The following UACA variants were observed in gnomAD, a reference collection of about 807,000 sequenced individuals.
The protein encoded by UACA is uveal autoantigen with coiled-coil domains and ankyrin repeats.
In UACA, 112 loss-of-function variants were observed where a neutral mutation model predicts 160.5. That is an observed-to-expected ratio of 0.70 (90% CI 0.60 to 0.82). UACA has a LOEUF of 0.82. Ranked by LOEUF, UACA falls within the 40% of genes least tolerant of loss-of-function variation. UACA has a pLI of 0.00. For missense variants in UACA, 1,574 were observed against 1,614.6 expected (o/e 0.97, Z 0.43); for synonymous variants, 557 against 568.4 (o/e 0.98, Z 0.29).
In UACA at chr15:70,664,774, G is replaced by A. The variant is rs1566961470; in HGVS notation, c.4001C>T (p.Ala1334Val). 6.8e-6 allele frequency: 11 copies of A among 1,613,202 alleles called. No homozygotes were observed. The highest frequency in any genetic ancestry group is 9.3e-6 in the Non-Finnish European group (11 of 1,179,718). ...GGTGAGTTGGGAAAGGCCATTGAGT[G>A]CCTGTTTTAATCTTTCCACATCATT... ...LLNDVERLKQ[A>V]LNGLSQLTYT... Residue 1334 changes from alanine (A) to valine (V), a missense_variant, in exon 17 of 19, where the codon GCA becomes GTA. Transcript: ENST00000322954.
At chr15:70,739,215 ATACTT>A (rs1192343505) in intron 1 of UACA, among the ~76,000 whole-genome samples, 1 of 152,226 alleles carries the variant, frequency 6.6e-6, no homozygotes, top group Non-Finnish European at 1.5e-5. Flanking sequence ...GATAAAAACT[ATACTT>A]TATAAATCCT....
Position 70,699,536 on chromosome 15 carries a change from C to A in UACA, c.203G>T (p.Gly68Val). 1 of 1,610,982 alleles carries A rather than the reference C, an allele frequency of 6.2e-7. No homozygotes were observed. The highest frequency in any genetic ancestry group is 8.5e-7 in the Non-Finnish European group (1 of 1,179,154). Residue 68 changes from glycine to valine, a missense_variant, in exon 2 of 19, where the codon GGC (glycine) becomes GTC (valine). Coordinates refer to ENST00000322954, the MANE Select transcript of UACA (RefSeq NM_018003.4). The stretch of plus-strand genomic sequence containing the variant: ...CATCAATAATACTTACACAGATCTG[C>A]CTTCCACATCTAGTTTGCCTGGATT... ...GVNPGKLDVE[G>V]RSVFHVVTSK...
intron 1 of UACA, among the ~76,000 whole-genome samples, chr15:70,743,613 T>G (rs1386374246): frequency 6.6e-6 from 1 of 152,276 alleles, no homozygotes; most frequent in East Asian, 1.9e-4. Flanking sequence ...ATTATGCAAA[T>G]TTCAAAGTTA....
At chr15:70,705,721 A>G (rs1416083617) in intron 1 of UACA, among the ~76,000 whole-genome samples, 1 of 152,128 alleles carries the variant, frequency 6.6e-6, no homozygotes, top group Admixed American at 6.6e-5. Context: ...GGCAAGATTA[A>G]AAAGACAGAA....
At chr15:70,758,156 ACC>A (rs903692965) in intron 1 of UACA, 55 of 152,346 alleles carry the variant, frequency 3.6e-4, no homozygotes, top group African/African-American at 1.3e-3. Flanking sequence ...CTCATTATGC[ACC>A]AAAAGACCCA....
At position 70,656,929 on chromosome 15, in the gene UACA, C is replaced by A; in HGVS notation, c.*127G>T. 1.7e-6 allele frequency: 1 copy of A among 585,728 alleles called. No individual in the cohort carries two copies. Among genetic ancestry groups the A allele is most frequent in the Non-Finnish European group, 2.8e-6 (1 of 353,728 alleles). The allele number at this position is 585,728 out of a possible 1,614,324, so 36.3% of individuals were successfully genotyped here. ...TCATCTAATTTTAAAAAAAAACCTA[C>A]CAATAGAACAAAATATATTTTATTT... On this transcript the variant is annotated 3_prime_UTR_variant, in exon 19 of 19. Coordinates refer to ENST00000322954, the MANE Select transcript of UACA (RefSeq NM_018003.4).
intron 10 of UACA, 46 bp from the exon 11 acceptor site, chr15:70,678,252 C>A (rs1897360334): frequency 6.9e-7 from 1 of 1,442,812 alleles, no homozygotes; most frequent in Non-Finnish European, 9.5e-7. Flanking sequence ...CTTAAAAGAG[C>A]AAATTCTTAA....
chr15:70,685,973 C>T (rs1238432577), intron 7 of UACA, among the ~76,000 whole-genome samples: 6 of 151,952 alleles, frequency 3.9e-5, no homozygotes, highest in Non-Finnish European at 5.9e-5. Context: ...TGTGGTTTCG[C>T]CATGTTGGCC....
At chr15:70,700,248 C>A (rs1898297974) in intron 1 of UACA, among the ~76,000 whole-genome samples, 1 of 142,370 alleles carries the variant, frequency 7.0e-6, no homozygotes, top group Non-Finnish European at 1.5e-5. Flanking sequence ...CCCCCCCCAA[C>A]ACAGACATTT....
At chr15:70,745,301 G>C (rs1349878123) in intron 1 of UACA, among the ~76,000 whole-genome samples, 1 of 152,102 alleles carries the variant, frequency 6.6e-6, no homozygotes, top group Non-Finnish European at 1.5e-5. Context: ...CGGGCGTGGT[G>C]GTGGGCACCT....
chr15:70,711,646 A>C (rs371684170), intron 1 of UACA, among the ~76,000 whole-genome samples: 87 of 152,342 alleles, frequency 5.7e-4, no homozygotes, highest in African/African-American at 1.9e-3. Context: ...GGGGAAAGAA[A>C]ATAGACATGA....
chr15:70,671,613 G>A (rs371541922), intron 14 of UACA: 91 of 170,900 alleles, frequency 5.3e-4, no homozygotes, highest in African/African-American at 1.9e-3. Flanking sequence ...CATTAAGACC[G>A]ATTTCTCCAA....
At chr15:70,724,315 T>G (rs920581623) in intron 1 of UACA, among the ~76,000 whole-genome samples, 1 of 152,190 alleles carries the variant, frequency 6.6e-6, no homozygotes, top group African/African-American at 2.4e-5. Flanking sequence ...TCAGGCTATC[T>G]AGTGTTCATA....
chr15:70,695,053 T>C lies in UACA; in HGVS notation c.265A>G (p.Ile89Val). ...GNLECLNAIL[I>V]HGVDITTSDT... ...CTGGTTGTAATATCAACTCCATGTA[T>C]AAGGATGGCATTCAAACACTCAAGA... Residue 89 changes from isoleucine (I) to valine (V), a missense_variant, in exon 3 of 19, where the codon ATA becomes GTA. By Grantham distance (29) the Ile-to-Val change is conservative. Transcript: ENST00000322954. 1 of 1,610,934 alleles carries C rather than the reference T, an allele frequency of 6.2e-7. No homozygotes were observed. Among genetic ancestry groups the C allele is most frequent in the Non-Finnish European group, 8.5e-7 (1 of 1,178,290 alleles).
chr15:70,727,077 G>A (rs1899166532), intron 1 of UACA, among the ~76,000 whole-genome samples: 1 of 152,138 alleles, frequency 6.6e-6, no homozygotes, highest in Non-Finnish European at 1.5e-5. Flanking sequence ...TTAAGTATAA[G>A]GCTGTAGTAT....
At chr15:70,707,809 C>G (rs940423219) in intron 1 of UACA, among the ~76,000 whole-genome samples, 1 of 151,962 alleles carries the variant, frequency 6.6e-6, no homozygotes, top group Non-Finnish European at 1.5e-5. Context: ...AAATTAGAAC[C>G]CTTGTGCACT....
At chr15:70,693,075 A>G (rs969068625) in intron 3 of UACA, among the ~76,000 whole-genome samples, 6 of 152,230 alleles carry the variant, frequency 3.9e-5, no homozygotes, top group African/African-American at 1.4e-4. Flanking sequence ...TCCTAGAAAC[A>G]TTTCACATTG....
chr15:70,660,872 T>C (rs911029967), intron 17 of UACA: 8 of 152,226 alleles, frequency 5.3e-5, no homozygotes, highest in African/African-American at 1.9e-4. Flanking sequence ...TTCTATTTTA[T>C]TATGTTGTTA....
the UACA span, chr15:70,778,785 A>G: frequency 1.3e-5 from 2 of 152,156 alleles, no homozygotes; most frequent in Non-Finnish European, 2.9e-5. Flanking sequence ...TACAAACCTT[A>G]TATGTTTTTT....
Sources: gnomAD v4.1 joint callset for allele counts (sites outside exome capture counted in the v4.1 genomes callset) on GRCh38, gnomAD v4.1.1 for gene constraint, MANE v1.5 for transcripts, NCBI Gene and HGNC (gene_info 2026-07-23, HGNC 2026-07-21) for gene names.